PTPRD: variants seen among roughly 807,000 people sequenced by gnomAD.
PTPRD encodes receptor-type tyrosine-protein phosphatase delta.
PTPRD carries 34 observed loss-of-function variants against 214.5 expected under a neutral mutation model. The observed-to-expected ratio is 0.16, with a 90% CI of 0.12 to 0.21. The LOEUF is 0.21. Ranked by LOEUF, PTPRD falls within the 10% of genes least tolerant of loss-of-function variation. The probability of loss-of-function intolerance (pLI) is 1.00; values close to 1 mark genes in which losing one functional copy is unlikely to be tolerated. For synonymous variants in PTPRD, 1,128 were observed against 845.7 expected (o/e 1.33, Z -5.79); for missense variants, 2,545 against 2,398.7 (o/e 1.06, Z -1.27).
intron 5 of PTPRD, among the ~76,000 whole-genome samples, chr9:9,841,560 G>C (rs2058337504): frequency 1.3e-5 from 2 of 152,094 alleles, no homozygotes; most frequent in South Asian, 2.1e-4. Context: ...ATATACGCTA[G>C]AACATGGACC....
intron 25 of PTPRD, 138 bp downstream of exon 25, chr9:8,499,509 A>G: frequency 2.6e-6 from 2 of 767,532 alleles, no homozygotes; most frequent in Non-Finnish European, 4.1e-6. Context: ...AGATCAATAT[A>G]CATCAATGTG....
chr9:9,008,478 G>A (rs2099492268), intron 11 of PTPRD, among the ~76,000 whole-genome samples: 1 of 151,708 alleles, frequency 6.6e-6, no homozygotes, highest in Non-Finnish European at 1.5e-5. Context: ...CACCCGTCTC[G>A]GCCTCCCAAA....
intron 9 of PTPRD, among the ~76,000 whole-genome samples, chr9:9,338,935 G>A (rs1478537608): frequency 6.6e-6 from 1 of 151,946 alleles, no homozygotes; most frequent in Non-Finnish European, 1.5e-5. Context: ...TTCTATCAAA[G>A]AGTGGCCAAA....
At chr9:9,707,568 C>G (rs2097648099) in intron 7 of PTPRD, among the ~76,000 whole-genome samples, 1 of 152,054 alleles carries the variant, frequency 6.6e-6, no homozygotes, top group Non-Finnish European at 1.5e-5. Context: ...TTTACATTAT[C>G]TAGGATACCA....
chr9:10,262,251 A>G (rs1407477776), intron 3 of PTPRD, among the ~76,000 whole-genome samples: 3 of 152,192 alleles, frequency 2.0e-5, no homozygotes, highest in Non-Finnish European at 4.4e-5. Context: ...ATATTTTGAA[A>G]AAGGGACTAC....
chr9:9,841,840 A>G (rs1381501226), intron 5 of PTPRD, among the ~76,000 whole-genome samples: 1 of 152,140 alleles, frequency 6.6e-6, no homozygotes, highest in Non-Finnish European at 1.5e-5. Context: ...ACTAGCATAA[A>G]TATTTACACT....
At chr9:8,894,525 G>A (rs548845159) in intron 11 of PTPRD, among the ~76,000 whole-genome samples, 15 of 152,144 alleles carry the variant, frequency 9.9e-5, no homozygotes, top group African/African-American at 3.6e-4. Context: ...GGGTTGGGGG[G>A]TGCTTAGAAA....
intron 3 of PTPRD, among the ~76,000 whole-genome samples, chr9:10,091,666 T>A (rs1245542736): frequency 1.3e-5 from 2 of 151,468 alleles, no homozygotes; most frequent in African/African-American, 2.4e-5. Context: ...ATTTTTAGAA[T>A]CTTGATTTGG....
chr9:8,434,407 G>C (rs996212527), intron 35 of PTPRD, among the ~76,000 whole-genome samples: 1 of 152,172 alleles, frequency 6.6e-6, no homozygotes, highest in African/African-American at 2.4e-5. Context: ...TATAGCTTAA[G>C]TGTATAATAG....
rs368100918 is a variant in PTPRD, at chr9:10,395,954, T to TGAGAGA, written c.-599-54943_-599-54938dup. On this transcript the variant is annotated intron_variant, in intron 2 of 45. Coordinates refer to ENST00000381196, the MANE Select transcript of PTPRD (RefSeq NM_002839.4). ...AAGCCACAGAGGGACATAGAGAGAATGAGAGAGAGAGAGAGAGAGAGAGAG... is the reference window on the plus strand; with the variant it reads ...AAGCCACAGAGGGACATAGAGAGAATGAGAGAGAGAGAGAGAGAGAGAGAGAGAGAG... Among the ~76,000 whole-genome samples the TGAGAGA allele has an allele frequency of 1.3e-3, 173 of 134,376 alleles. 1 individual carries two copies. The highest frequency in any genetic ancestry group is 4.5e-3 in the African/African-American group (164 of 36,650). The allele number at this position is 134,376 out of a possible 152,430, so 88.2% of individuals were successfully genotyped here.
chr9:10,014,271 G>T (rs2096656988), intron 4 of PTPRD, among the ~76,000 whole-genome samples: 1 of 151,938 alleles, frequency 6.6e-6, no homozygotes, highest in Non-Finnish European at 1.5e-5. Context: ...ACTCAGTGAG[G>T]CTAAGTAATT....
chr9:9,625,991 T>C (rs1564141561), intron 7 of PTPRD, among the ~76,000 whole-genome samples: 3 of 152,134 alleles, frequency 2.0e-5, no homozygotes, highest in African/African-American at 4.8e-5. Context: ...TCTGCCTTTG[T>C]AGCACAAAAA....
intron 42 of PTPRD, 143 bp downstream of exon 42, chr9:8,340,200 A>C: frequency 2.1e-6 from 2 of 964,954 alleles, no homozygotes; most frequent in Non-Finnish European, 2.8e-6. Flanking sequence ...TTAGAAACTA[A>C]CAAGGAATGA....
At chr9:10,272,622 A>C (rs781623354) in intron 3 of PTPRD, among the ~76,000 whole-genome samples, 1 of 152,198 alleles carries the variant, frequency 6.6e-6, no homozygotes, top group Non-Finnish European at 1.5e-5. Flanking sequence ...ATGCCTGTGA[A>C]ATTTGTAAAA....
At chr9:10,311,166 G>A (rs2096257369) in intron 3 of PTPRD, among the ~76,000 whole-genome samples, 1 of 151,670 alleles carries the variant, frequency 6.6e-6, no homozygotes. Context: ...TCTAGTACTA[G>A]GGAAAAAACC....
At chr9:9,207,965 A>C (rs1316238055) in intron 9 of PTPRD, among the ~76,000 whole-genome samples, 1 of 148,386 alleles carries the variant, frequency 6.7e-6, no homozygotes, top group Non-Finnish European at 1.5e-5. Flanking sequence ...ACAAATACAT[A>C]GTATGCCATT....
At chr9:8,823,935 A>G (rs1194767340) in intron 11 of PTPRD, among the ~76,000 whole-genome samples, 4 of 152,196 alleles carry the variant, frequency 2.6e-5, no homozygotes, top group Admixed American at 1.3e-4. Flanking sequence ...ATGATATGCT[A>G]AACAAGGGGT....
intron 2 of PTPRD, among the ~76,000 whole-genome samples, chr9:10,451,039 T>C (rs1443025484): frequency 1.3e-5 from 2 of 152,020 alleles, no homozygotes; most frequent in African/African-American, 4.8e-5. Context: ...TAGATAATCT[T>C]GACACTTTAC....
At chr9:8,774,612 G>A (rs1015401470) in intron 11 of PTPRD, among the ~76,000 whole-genome samples, 1 of 139,996 alleles carries the variant, frequency 7.1e-6, no homozygotes. Flanking sequence ...TCGGCCCACT[G>A]CAACCTCCGC....
Sources: gnomAD v4.1 joint callset for allele counts (sites outside exome capture counted in the v4.1 genomes callset) on GRCh38, gnomAD v4.1.1 for gene constraint, MANE v1.5 for transcripts, NCBI Gene and HGNC (gene_info 2026-07-23, HGNC 2026-07-21) for gene names.